Variants in ASPA observed in about 807,000 individuals in gnomAD.
The protein encoded by ASPA is ACY-2.
In ASPA, 25 loss-of-function variants were observed where a neutral mutation model predicts 29.6. The observed-to-expected ratio is 0.85, with a 90% CI of 0.62 to 1.18. The LOEUF is 1.18. Among genes scored for constraint, ASPA ranks in the 50% most tolerant of loss-of-function variants. The probability of loss-of-function intolerance (pLI) is 0.00; values close to 1 mark genes in which losing one functional copy is unlikely to be tolerated. For missense variants in ASPA, 333 were observed against 385.7 expected (o/e 0.86, Z 1.14); for synonymous variants, 131 against 130.3 (o/e 1.01, Z -0.04).
Position 3,489,234 on chromosome 17 carries a change from G to T in ASPA, c.527-1G>T. The T allele has an allele frequency of 6.3e-7, 1 of 1,588,058 alleles. No homozygotes were observed. Among genetic ancestry groups the T allele is most frequent in the South Asian group, 1.1e-5 (1 of 90,344 alleles). On this transcript the variant is annotated splice_acceptor_variant, in intron 3 of 5. Transcript: ENST00000263080. LOFTEE classifies it high-confidence loss of function. ...GTGACTATCTCTCCTTCTGTACCTA[G>T]GTATAGAAGTTGGTCCTCAGCCTCA...
intron 4 of ASPA, among the ~76,000 whole-genome samples, chr17:3,491,282 T>TA (rs936450880): frequency 5.3e-5 from 8 of 152,176 alleles, no homozygotes; most frequent in East Asian, 1.9e-4. Context: ...TTCTTATGTT[T>TA]AAAAAAAATC....
chr17:3,474,412 A>C (rs996217822), upstream of ASPA, among the ~76,000 whole-genome samples: 1 of 152,252 alleles, frequency 6.6e-6, no homozygotes, highest in African/African-American at 2.4e-5. Context: ...TCAGCAGAAA[A>C]GAAACCAAGC....
At chr17:3,487,027 C>T (rs565401282) in intron 3 of ASPA, among the ~76,000 whole-genome samples, 1 of 151,674 alleles carries the variant, frequency 6.6e-6, no homozygotes, top group South Asian at 2.1e-4. Flanking sequence ...TGTGTCCAGT[C>T]GCTTTCCCAT....
At chr17:3,483,630 A>G (rs1284864117) in intron 3 of ASPA, 38 bp downstream of exon 3, 1 of 1,521,112 alleles carries the variant, frequency 6.6e-7, no homozygotes, top group South Asian at 1.1e-5. Flanking sequence ...TCAATAAAAT[A>G]TGTCCTAGCT....
chr17:3,481,903 G>A, intron 2 of ASPA, 105 bp downstream of exon 2: 1 of 1,117,788 alleles, frequency 8.9e-7, no homozygotes, highest in East Asian at 2.6e-5. Flanking sequence ...AGGTGCAAGA[G>A]AAATGGGGTT....
rs1167672088 is a variant in ASPA, at chr17:3,490,704, C to G, written c.634+1362C>G. Reference sequence around the variant, plus strand: ...AGATCACAACATACTTACAATAAACCCTCTGAATAGGAAGTGTGGGACTAC... The same window carrying G: ...AGATCACAACATACTTACAATAAACGCTCTGAATAGGAAGTGTGGGACTAC... On this transcript the variant is annotated intron_variant, in intron 4 of 5. Coordinates refer to ENST00000263080, the MANE Select transcript of ASPA (RefSeq NM_000049.4). This position sits in a 1 kb window ranked among gnomAD's most constrained non-coding sequence, Gnocchi z 4.6. 6.6e-6 allele frequency among the ~76,000 whole-genome samples: 1 copy of G among 152,094 alleles called. No homozygotes were observed. The highest frequency in any genetic ancestry group is 1.5e-5 in the Non-Finnish European group (1 of 68,024).
chr17:3,494,995 T>C (rs146309813), intron 5 of ASPA, among the ~76,000 whole-genome samples: 1 of 152,220 alleles, frequency 6.6e-6, no homozygotes, highest in East Asian at 1.9e-4. Flanking sequence ...GAAAAACGAC[T>C]GGAACCTCTT....
chr17:3,478,179 C>T (rs1004730370), intron 1 of ASPA, among the ~76,000 whole-genome samples: 1 of 150,080 alleles, frequency 6.7e-6, no homozygotes, highest in Non-Finnish European at 1.5e-5. Context: ...AGCGAGACTC[C>T]GTCTCAAAAA....
At chr17:3,491,954 T>C (rs2073833869) in intron 4 of ASPA, among the ~76,000 whole-genome samples, 3 of 142,222 alleles carry the variant, frequency 2.1e-5, no homozygotes, top group Non-Finnish European at 4.5e-5. Flanking sequence ...CACAGCTCAA[T>C]GGAGCCTCAA....
intron 4 of ASPA, among the ~76,000 whole-genome samples, chr17:3,493,724 G>A (rs1391642040): frequency 6.6e-6 from 1 of 152,060 alleles, no homozygotes; most frequent in Admixed American, 6.6e-5. Context: ...TCAAGAAAGC[G>A]AGCCTCAAGA....
At chr17:3,486,138 T>A (rs1216793015) in intron 3 of ASPA, among the ~76,000 whole-genome samples, 1 of 152,142 alleles carries the variant, frequency 6.6e-6, no homozygotes, top group Non-Finnish European at 1.5e-5. Flanking sequence ...TTCATCATGT[T>A]GGCCAGGCTG....
At chr17:3,479,847 A>C (rs2150745080) in intron 1 of ASPA, among the ~76,000 whole-genome samples, 1 of 152,334 alleles carries the variant, frequency 6.6e-6, no homozygotes, top group Admixed American at 6.5e-5. Context: ...AATTTTAGGA[A>C]AATGTGGTTG....
At position 3,501,219 on chromosome 17, in the gene ASPA, G is replaced by C. The variant is rs2073986287; in HGVS notation, c.*2131G>C. ...TAAGGCTATAGCTGCCATAGATAGT[G>C]ATTCCTCTGATGGAGCTGGGCAAAG... On this transcript the variant is annotated 3_prime_UTR_variant, in exon 6 of 6. Coordinates refer to ENST00000263080, the MANE Select transcript of ASPA (RefSeq NM_000049.4). 6.6e-6 allele frequency: 1 copy of C among 152,308 alleles called. No homozygotes were observed. The highest frequency in any genetic ancestry group is 2.4e-5 in the African/African-American group (1 of 41,458). The allele number at this position is 152,308 out of a possible 1,614,324, so 9.4% of individuals were successfully genotyped here.
Position 3,494,358 on chromosome 17 carries a change from T to G in ASPA, c.643T>G (p.Phe215Val). 1.2e-6 allele frequency: 2 copies of G among 1,608,644 alleles called. No homozygotes were observed. Among genetic ancestry groups the G allele is most frequent in the Non-Finnish European group, 1.7e-6 (2 of 1,175,006 alleles). Residue 215 changes from phenylalanine (F) to valine (V), a missense_variant, in exon 5 of 6, where the codon TTT becomes GTT. Transcript: ENST00000263080. ...TATTGTTTTTGTCATAGGAAAAGAA[T>G]TTCCTCCCTGCGCCATTGAGGTCTA... ...FIHHFNEGKE[F>V]PPCAIEVYKI...
At chr17:3,477,249 A>G (rs547397280) in intron 1 of ASPA, among the ~76,000 whole-genome samples, 28 of 152,344 alleles carry the variant, frequency 1.8e-4, no homozygotes, top group African/African-American at 5.5e-4. Flanking sequence ...ATTGTTGTAG[A>G]TGGGATACCA....
chr17:3,478,053 CG>C (rs912104681), intron 1 of ASPA, among the ~76,000 whole-genome samples: 2 of 152,078 alleles, frequency 1.3e-5, no homozygotes, highest in African/African-American at 4.8e-5. Context: ...GGCATGGTGG[CG>C]GGCACCTGTA....
At position 3,499,055 on chromosome 17, in the gene ASPA, C is replaced by A. The variant is rs762310899; in HGVS notation, c.909C>A (p.Leu303=). The A allele has an allele frequency of 6.2e-7, 1 of 1,614,054 alleles. No homozygotes were observed. Among genetic ancestry groups the A allele is most frequent in the Non-Finnish European group, 8.5e-7 (1 of 1,179,988 alleles). The change falls in exon 6 of 6, where the codon CTC becomes CTA. Residue 303 remains leucine, a synonymous_variant. Transcript: ENST00000263080. The stretch of plus-strand genomic sequence containing the variant: ...TTGCAAAGACAACTAAACTAACGCT[C>A]AATGCAAAAAGTATTCGCTGCTGTT... ...EAFAKTTKLT[L]NAKSIRCCLH is the part of the protein sequence containing the mutation.
rs1225627459 is a variant in ASPA, at chr17:3,499,539, C to G, written c.*451C>G. 9.7e-6 allele frequency: 1 copy of G among 103,002 alleles called. No homozygotes were observed. The highest frequency in any genetic ancestry group is 2.4e-5 in the Non-Finnish European group (1 of 42,514). The allele number at this position is 103,002 out of a possible 1,614,324, so 6.4% of individuals were successfully genotyped here. On this transcript the variant is annotated 3_prime_UTR_variant, in exon 6 of 6. Transcript: ENST00000263080. Reference sequence around the variant, plus strand: ...CCATGTTTCCAACAGCATGTGCTCACTCCTTGTCTCTGTGTCACCCTTTGA... The same window carrying G: ...CCATGTTTCCAACAGCATGTGCTCAGTCCTTGTCTCTGTGTCACCCTTTGA...
At chr17:3,475,863 A>G (rs1424933254), upstream of ASPA, 6 of 407,092 alleles carry the variant, frequency 1.5e-5, no homozygotes, top group Non-Finnish European at 2.7e-5. Context: ...TTATTACTGT[A>G]TTTAGATCTA....
Sources: allele counts gnomAD v4.1 joint callset (sites outside exome capture counted in the v4.1 genomes callset), GRCh38; gene constraint gnomAD v4.1.1; non-coding constraint Gnocchi (gnomAD v3.1); transcripts MANE v1.5; gene names NCBI Gene and HGNC (gene_info 2026-07-23, HGNC 2026-07-21).